GDPD5: variants seen among roughly 807,000 people sequenced by gnomAD.
GDPD5 encodes glycerophosphodiester phosphodiesterase 2.
GDPD5 carries 48 observed loss-of-function variants against 75.1 expected under a neutral mutation model. The ratio of observed to expected loss-of-function variants is 0.64; its 90% CI spans 0.51 to 0.81. The LOEUF is 0.81. Among genes scored for constraint, GDPD5 ranks in the 40% least tolerant of loss-of-function variants. The probability of loss-of-function intolerance (pLI) is 0.00; values close to 1 mark genes in which losing one functional copy is unlikely to be tolerated. For missense variants in GDPD5, 706 were observed against 822.6 expected (o/e 0.86, Z 1.73); for synonymous variants, 336 against 339.0 (o/e 0.99, Z 0.10).
rs541233972 is a variant in GDPD5, at chr11:75,475,621, CA to C, written c.117+1997del. 4.9e-3 allele frequency among the ~76,000 whole-genome samples: 747 copies of C among 152,214 alleles called. 3 individuals carry two copies. Among genetic ancestry groups the C allele is most frequent in the African/African-American group, 0.017 (687 of 41,538 alleles). ...CTGGGAACCAGGAAGTAGGAGGAGA[CA>C]GGGGGCGGAGCGAAGTGAGCGACTG... On this transcript the variant is annotated intron_variant, in intron 3 of 16. Coordinates refer to ENST00000336898, the MANE Select transcript of GDPD5 (RefSeq NM_030792.8).
intron 1 of GDPD5, among the ~76,000 whole-genome samples, chr11:75,504,201 C>T (rs538778275): frequency 2.6e-5 from 4 of 152,330 alleles, no homozygotes; most frequent in South Asian, 4.1e-4. Context: ...AAGCGGAAAA[C>T]GAGAATGAAT....
intron 1 of GDPD5, among the ~76,000 whole-genome samples, chr11:75,503,276 C>A (rs930309786): frequency 7.2e-5 from 11 of 152,230 alleles, no homozygotes; most frequent in Admixed American, 5.2e-4. Flanking sequence ...CTGCCTCAGC[C>A]TCCCAAAGTG....
chr11:75,463,423 C>T (rs568122930), intron 3 of GDPD5, among the ~76,000 whole-genome samples: 1 of 152,274 alleles, frequency 6.6e-6, no homozygotes, highest in South Asian at 2.1e-4. Context: ...GGGCCAGATA[C>T]CCCTGTCTCC....
chr11:75,488,971 A>G (rs1950061894), intron 2 of GDPD5, among the ~76,000 whole-genome samples: 1 of 152,196 alleles, frequency 6.6e-6, no homozygotes, highest in Non-Finnish European at 1.5e-5. Flanking sequence ...GAGTCACTGT[A>G]TAGAGGACCT....
Position 75,449,073 on chromosome 11 carries a change from G to C in GDPD5, c.618C>G (p.Leu206=). ...AGGAGATGGTGAGAGGGGCCAGGTAGAGGGCAAACACCACGGTGAAGAAGG... is the reference window on the plus strand; with the variant it reads ...AGGAGATGGTGAGAGGGGCCAGGTACAGGGCAAACACCACGGTGAAGAAGG... ...LCTFFTVVFA[L]YLAPLTISSP... The change falls in exon 9 of 17, where the codon CTC becomes CTG. Residue 206 remains leucine (L), a synonymous_variant. Transcript: ENST00000336898. 6.2e-7 allele frequency: 1 copy of C among 1,608,656 alleles called. No individual in the cohort carries two copies. Among genetic ancestry groups the C allele is most frequent in the Non-Finnish European group, 8.5e-7 (1 of 1,178,082 alleles).
At chr11:75,502,372 C>T (rs976935083) in intron 1 of GDPD5, among the ~76,000 whole-genome samples, 3 of 152,340 alleles carry the variant, frequency 2.0e-5, no homozygotes, top group African/African-American at 7.2e-5. Flanking sequence ...GATTGGCTTC[C>T]ACAGTGGCAG....
intron 2 of GDPD5, among the ~76,000 whole-genome samples, chr11:75,481,084 T>C (rs866440011): frequency 2.6e-5 from 4 of 152,064 alleles, no homozygotes; most frequent in African/African-American, 2.4e-5. Context: ...GTAAGTGCAG[T>C]GTATGATGGA....
intron 3 of GDPD5, among the ~76,000 whole-genome samples, chr11:75,468,294 G>T (rs2135325285): frequency 6.6e-6 from 1 of 152,336 alleles, no homozygotes; most frequent in East Asian, 1.9e-4. Flanking sequence ...GAGCTCCCCT[G>T]CCTGTCCCCT....
chr11:75,493,405 C>T (rs1474421842), intron 1 of GDPD5, among the ~76,000 whole-genome samples: 2 of 151,744 alleles, frequency 1.3e-5, no homozygotes, highest in Non-Finnish European at 2.9e-5. Flanking sequence ...TTAAGGCATG[C>T]GTTGTGGACT....
chr11:75,443,771 A>G (rs1948904009), intron 10 of GDPD5, among the ~76,000 whole-genome samples: 1 of 152,214 alleles, frequency 6.6e-6, no homozygotes, highest in African/African-American at 2.4e-5. Context: ...CAGGGTTGCA[A>G]ATAGCTCATA....
In GDPD5 at chr11:75,442,347, C is replaced by T. The variant is rs546074207; in HGVS notation, c.1167+16G>A. 30 of 1,535,894 alleles carry T rather than the reference C, an allele frequency of 2.0e-5. No individual in the cohort carries two copies. The East Asian group carries it at 2.7e-4, about 14-fold the overall frequency. ...GCCAGGGCTCCCGGGGGCAGAGCTGCGTTGCAGGGCCTCACCTGGTGCTGG... is the reference window on the plus strand; with the variant it reads ...GCCAGGGCTCCCGGGGGCAGAGCTGTGTTGCAGGGCCTCACCTGGTGCTGG... On this transcript the variant is annotated intron_variant, in intron 12 of 16. Transcript: ENST00000336898.
chr11:75,512,281 GACACACACACACACACACACACAC>G (rs145862089), intron 1 of GDPD5, among the ~76,000 whole-genome samples: 2 of 123,100 alleles, frequency 1.6e-5, no homozygotes, highest in African/African-American at 6.1e-5. Context: ...AATTGGGAAG[GACACACACACACACACACACACAC>G]ACACACACAC....
rs183517973 is a variant in GDPD5, at chr11:75,483,022, G to A, written c.-60-5227C>T. Among the ~76,000 whole-genome samples, 40 of 152,280 alleles carry A rather than the reference G, an allele frequency of 2.6e-4. No individual in the cohort carries two copies. The East Asian group carries it at 7.1e-3, about 27-fold the overall frequency. Reference sequence around the variant, plus strand: ...TTACACCACACTCGGCCGCCGGGACGATCTCTGAGACGGGACTCTCTCCAC... The same window carrying A: ...TTACACCACACTCGGCCGCCGGGACAATCTCTGAGACGGGACTCTCTCCAC... On this transcript the variant is annotated intron_variant, in intron 2 of 16. Coordinates refer to ENST00000336898, the MANE Select transcript of GDPD5 (RefSeq NM_030792.8).
intron 3 of GDPD5, among the ~76,000 whole-genome samples, chr11:75,465,842 G>A (rs1333118349): frequency 6.6e-6 from 1 of 152,230 alleles, no homozygotes; most frequent in Admixed American, 6.5e-5. Context: ...TCCCAGGCAA[G>A]TAGCCTGGAG....
chr11:75,435,163 T>A lies in GDPD5; in HGVS notation c.*344A>T, dbSNP rs113813843. On this transcript the variant is annotated 3_prime_UTR_variant, in exon 17 of 17. Transcript: ENST00000336898. ...ATGGCACAGGTGAGCATCCACACAC[T>A]CCATTGCCACAGGGGGTATGGCATG... The A allele has an allele frequency of 1.0e-5, 2 of 195,066 alleles. No homozygotes were observed. Among genetic ancestry groups the A allele is most frequent in the Admixed American group, 1.2e-4 (2 of 16,930 alleles). The allele number at this position is 195,066 out of a possible 1,614,324, so 12.1% of individuals were successfully genotyped here.
At chr11:75,439,687 T>C (rs1948730959) in intron 15 of GDPD5, among the ~76,000 whole-genome samples, 192 bp downstream of exon 15, 1 of 152,162 alleles carries the variant, frequency 6.6e-6, no homozygotes, top group Non-Finnish European at 1.5e-5. Flanking sequence ...GGATCCCAGC[T>C]GCATGTTCAT....
intron 2 of GDPD5, among the ~76,000 whole-genome samples, chr11:75,487,995 T>C (rs936642977): frequency 2.0e-5 from 3 of 152,170 alleles, no homozygotes; most frequent in Non-Finnish European, 4.4e-5. Flanking sequence ...TCACAAAACA[T>C]CAGCACCAAA....
rs765611558 is a variant in GDPD5, at chr11:75,449,593, C to G, written c.492G>C (p.Leu164=). Residue 164 remains leucine (L), a synonymous_variant, in exon 8 of 17, where the codon CTG becomes CTC. Transcript: ENST00000336898. ...TGACTGCTGCCACAGCCCCCACATG[C>G]AGGAATGGCGCTGTGCCCTGTTTGC... ...LISLQGTAPF[L]HVGAVAAVTM... The G allele has an allele frequency of 5.7e-6, 9 of 1,583,098 alleles. No individual in the cohort carries two copies. The highest frequency in any genetic ancestry group is 8.6e-7 in the Non-Finnish European group (1 of 1,164,686).
At chr11:75,477,925 C>T in intron 2 of GDPD5, 130 bp from the exon 3 acceptor site, 1 of 423,684 alleles carries the variant, frequency 2.4e-6, no homozygotes, top group Non-Finnish European at 4.2e-6. Flanking sequence ...CTCCGTCTCA[C>T]TTGGAGTCAC....
Sources: gnomAD v4.1 joint callset for allele counts (sites outside exome capture counted in the v4.1 genomes callset) on GRCh38, gnomAD v4.1.1 for gene constraint, MANE v1.5 for transcripts, NCBI Gene and HGNC (gene_info 2026-07-23, HGNC 2026-07-21) for gene names.